Variants in ADAMTS8 observed in about 807,000 individuals in gnomAD.
ADAMTS8 encodes the protein A disintegrin and metalloproteinase with thrombospondin motifs 8.
Under a neutral mutation model 64.4 loss-of-function variants are expected in ADAMTS8, and 50 were observed. The ratio of observed to expected loss-of-function variants is 0.78; its 90% confidence interval spans 0.62 to 0.98. The LOEUF (loss-of-function observed/expected upper bound fraction) is 0.98. Ranked by LOEUF, ADAMTS8 falls within the 50% of genes least tolerant of loss-of-function variation. ADAMTS8 has a pLI of 0.00. For missense variants in ADAMTS8, 1,192 were observed against 1,208.2 expected, an observed-to-expected ratio of 0.99 and a Z score of 0.20; for synonymous variants, 556 against 533.6, an observed-to-expected ratio of 1.04 and a Z score of -0.58.
chr11:130,406,209 G>A, intron 8 of ADAMTS8, 81 bp from the exon 9 acceptor site: 1 of 1,498,716 alleles, frequency 6.7e-7, no homozygotes, highest in South Asian at 1.3e-5. Context: ...ACTGAAGTGG[G>A]CACCCCAGGT....
In ADAMTS8 at chr11:130,414,720, A is replaced by G. The variant is rs1320788014; in HGVS notation, c.1377T>C (p.Asp459=). The G allele has an allele frequency of 6.2e-7, 1 of 1,613,770 alleles. No individual in the cohort carries two copies. The highest frequency in any genetic ancestry group is 8.5e-7 in the Non-Finnish European group (1 of 1,180,042). ...CAGAGGTGTTGGGGCAGTGGCGGAA[A>G]TCCGGCCCAAAGATCTGCCTGCACT... ...DQQCRQIFGP[D]FRHCPNTSAQ... is the part of the protein sequence containing the mutation. The change falls in exon 5 of 9, where the codon GAT becomes GAC. Residue 459 remains aspartate, a synonymous_variant. Transcript: ENST00000257359.
chr11:130,415,547 C>T (rs1862010643), intron 4 of ADAMTS8, among the ~76,000 whole-genome samples: 1 of 151,728 alleles, frequency 6.6e-6, no homozygotes, highest in African/African-American at 2.4e-5. Flanking sequence ...TTGTGATCCA[C>T]CTGCCTCAGC....
chr11:130,419,113 G>A lies in ADAMTS8; in HGVS notation c.900C>T (p.Phe300=), dbSNP rs1255360051. The change falls in exon 2 of 9, where the codon TTC becomes TTT. Residue 300 remains phenylalanine (F), a synonymous_variant. Transcript: ENST00000257359. ...CTGGGTGGCGGTCGCTGGGCTGGTT[G>A]AAACGCCGCTGCCAGTTGCAGAAGT... is the stretch of plus-strand genomic sequence containing the variant. The part of the protein sequence containing the change: ...LRNFCNWQRR[F]NQPSDRHPEH... 1 of 1,614,066 alleles carries A rather than the reference G, an allele frequency of 6.2e-7. No individual in the cohort carries two copies. The highest frequency in any genetic ancestry group is 2.2e-5 in the East Asian group (1 of 44,896).
chr11:130,421,677 T>C (rs544101605), intron 1 of ADAMTS8, among the ~76,000 whole-genome samples: 5 of 152,198 alleles, frequency 3.3e-5, no homozygotes, highest in Non-Finnish European at 5.9e-5. Flanking sequence ...ATGCCTTATA[T>C]ATGCGGTGCG....
rs377366671 is a variant in ADAMTS8, at chr11:130,425,661, C to T, written c.720+1906G>A. The stretch of plus-strand genomic sequence containing the variant: ...TGTCACCCAGGCTGGAGTGCAGTGG[C>T]GCGGTCTCCGCTCACTGCAAGCTCT... On this transcript the variant is annotated intron_variant, in intron 1 of 8. Transcript: ENST00000257359. 1.6e-4 allele frequency among the ~76,000 whole-genome samples: 24 copies of T among 149,764 alleles called. No individual in the cohort carries two copies. In the East Asian group the frequency reaches 4.1e-3, roughly 26 times the overall value.
In ADAMTS8 at chr11:130,408,434, G is replaced by A. The variant is rs775345385; in HGVS notation, c.2099+30C>T. ...AAAGCCCATTATGCTCTTCTACCAA[G>A]CAAGGTACAGAACTTCTGGGGAGAC... is the stretch of plus-strand genomic sequence containing the variant. On this transcript the variant is annotated intron_variant, in intron 8 of 8. Coordinates refer to ENST00000257359, the MANE Select transcript of ADAMTS8 (RefSeq NM_007037.6). 3 of 1,611,372 alleles carry A rather than the reference G, an allele frequency of 1.9e-6. No homozygotes were observed. The Admixed American group carries it at 5.0e-5, about 27-fold the overall frequency.
chr11:130,408,809 G>A lies in ADAMTS8; in HGVS notation c.1882C>T (p.Arg628Ter), dbSNP rs756118000. The part of the protein sequence containing the change: ...SPRDRCKLFC[R>*]ARGRSEFKVF... ...TTGAACTCGCTCCTCCCCCGGGCTC[G>A]GCAGAACAACTTGCAGCGGTCCCGG... is the stretch of plus-strand genomic sequence containing the variant. Residue 628 changes from arginine to a stop codon, truncating the protein, a stop_gained, in exon 7 of 9, where the codon CGA becomes TGA. Coordinates refer to ENST00000257359, the MANE Select transcript of ADAMTS8 (RefSeq NM_007037.6). LOFTEE classifies it high-confidence loss of function. 8.7e-6 allele frequency: 14 copies of A among 1,614,100 alleles called. No homozygotes were observed. The highest frequency in any genetic ancestry group is 3.3e-5 in the South Asian group (3 of 91,050).
chr11:130,427,945 C>A lies in ADAMTS8; in HGVS notation c.342G>T (p.Ala114=). 1 of 1,531,920 alleles carries A rather than the reference C, an allele frequency of 6.5e-7. No homozygotes were observed. Among genetic ancestry groups the A allele is most frequent in the East Asian group, 2.5e-5 (1 of 40,398 alleles). 94.9% of individuals were successfully genotyped at this position (1,531,920 alleles called of 1,614,324 possible). A position where few individuals can be genotyped will look rare whatever the true frequency, so the allele number is the denominator to read the frequency against. ...GTVNGEPESL[A]AVSLCRGLSG... ...TCAGCCCGCGGCACAGGCTGACCGC[C>A]GCCAGCGACTCGGGCTCCCCATTCA... is the stretch of plus-strand genomic sequence containing the variant. Residue 114 remains alanine, a synonymous_variant, in exon 1 of 9, where the codon GCG becomes GCT. Transcript: ENST00000257359.
In ADAMTS8 at chr11:130,415,603, C is replaced by CTTTTTTT. The variant is rs386375276; in HGVS notation, c.1264+553_1264+559dup. 5.6e-4 allele frequency among the ~76,000 whole-genome samples: 59 copies of CTTTTTTT among 104,776 alleles called. 3 individuals are homozygous for CTTTTTTT. Among genetic ancestry groups the CTTTTTTT allele is most frequent in the East Asian group, 2.7e-3 (8 of 2,994 alleles). 68.7% of individuals were successfully genotyped at this position (104,776 alleles called of 152,430 possible). A position where few individuals can be genotyped will look rare whatever the true frequency, so the allele number is the denominator to read the frequency against. ...CGGGCAGAAGCCACTGCACCTGGCC[C>CTTTTTTT]TTTTTTTTTTTTTTTTTTTTAAAGA... On this transcript the variant is annotated intron_variant, in intron 4 of 8. Transcript: ENST00000257359.
chr11:130,420,459 C>A (rs1285273505), intron 1 of ADAMTS8, among the ~76,000 whole-genome samples: 2 of 152,088 alleles, frequency 1.3e-5, no homozygotes, highest in East Asian at 3.9e-4. Context: ...GTTCCTTGAG[C>A]CTGGAGTGTG....
chr11:130,405,609 A>G lies in ADAMTS8; in HGVS notation c.2619T>C (p.Ala873=), dbSNP rs758690876. The change falls in exon 9 of 9, where the codon GCT becomes GCC. Residue 873 remains alanine, a synonymous_variant. Transcript: ENST00000257359. ...AGGGCTTGGCATCCTCGGGTTTCAG[A>G]GCCTTGTTGCAGGTGGCAGAGGCCT... ...SGQASATCNK[A]LKPEDAKPCE... 6.2e-7 allele frequency: 1 copy of G among 1,611,748 alleles called. No homozygotes were observed. The highest frequency in any genetic ancestry group is 1.3e-5 in the African/African-American group (1 of 74,940).
In ADAMTS8 at chr11:130,428,025, C is replaced by A. The variant is rs970079451; in HGVS notation, c.262G>T (p.Gly88Cys). ...CCCCGCTCGCCCCCGGTCGCCCGGCCGGAGCCCCCGAGGCGCTCGATCTTG... is the reference window on the plus strand; with the variant it reads ...CCCCGCTCGCCCCCGGTCGCCCGGCAGGAGCCCCCGAGGCGCTCGATCTTG... Reference protein sequence around the residue: ...EFKIERLGGSGRATGGERGLR... With the variant: ...EFKIERLGGSCRATGGERGLR... The change falls in exon 1 of 9, where the codon GGC becomes TGC. Residue 88 changes from glycine to cysteine, a missense_variant. This residue lies in a region of ADAMTS8 where 741 missense variants were observed against 710.6 expected (regional missense o/e 1.04). Coordinates refer to ENST00000257359, the MANE Select transcript of ADAMTS8 (RefSeq NM_007037.6). 2.6e-6 allele frequency: 4 copies of A among 1,526,568 alleles called. No homozygotes were observed. Among genetic ancestry groups the A allele is most frequent in the Non-Finnish European group, 3.5e-6 (4 of 1,143,456 alleles). The allele number at this position is 1,526,568 out of a possible 1,614,324, so 94.6% of individuals were successfully genotyped here.
chr11:130,412,570 G>T (rs753579319), intron 5 of ADAMTS8, among the ~76,000 whole-genome samples: 1 of 152,134 alleles, frequency 6.6e-6, no homozygotes, highest in Non-Finnish European at 1.5e-5. Context: ...TTGGAATGCT[G>T]TATGCCCAAA....
In ADAMTS8 at chr11:130,406,745, A is replaced by G. The variant is rs74447632; in HGVS notation, c.2100-617T>C. On this transcript the variant is annotated intron_variant, in intron 8 of 8. Coordinates refer to ENST00000257359, the MANE Select transcript of ADAMTS8 (RefSeq NM_007037.6). ...CTGGGAGTGCCCAGGCACCATGAGC[A>G]CTGTGCTTCTGGAATGATAGGAAGC... Among the ~76,000 whole-genome samples, 27 of 152,322 alleles carry G rather than the reference A, an allele frequency of 1.8e-4. No homozygotes were observed. In the East Asian group the frequency reaches 5.2e-3, roughly 29 times the overall value.
intron 4 of ADAMTS8, among the ~76,000 whole-genome samples, chr11:130,415,334 A>C (rs1862007253): frequency 6.6e-6 from 1 of 151,968 alleles, no homozygotes; most frequent in African/African-American, 2.4e-5. Flanking sequence ...GATGAAGTCT[A>C]GCTCTGTTGC....
At chr11:130,425,317 C>G (rs1862149471) in intron 1 of ADAMTS8, among the ~76,000 whole-genome samples, 1 of 152,132 alleles carries the variant, frequency 6.6e-6, no homozygotes, top group Non-Finnish European at 1.5e-5. Flanking sequence ...GCATGTCTGC[C>G]TCTAGATAGC....
chr11:130,415,623 T>TTTTTTC (rs56311542), intron 4 of ADAMTS8, among the ~76,000 whole-genome samples: 1 of 145,684 alleles, frequency 6.9e-6, no homozygotes. Context: ...TTTTTTTTTT[T>TTTTTTC]AAAGAGATAG....
chr11:130,419,918 C>T (rs1308340556), intron 1 of ADAMTS8, among the ~76,000 whole-genome samples: 2 of 152,198 alleles, frequency 1.3e-5, no homozygotes, highest in Non-Finnish European at 2.9e-5. Flanking sequence ...GAAAACTTTG[C>T]TGTGATAATC....
In ADAMTS8 at chr11:130,423,512, T is replaced by G. The variant is rs139906728; in HGVS notation, c.720+4055A>C. 5.7e-3 allele frequency among the ~76,000 whole-genome samples: 861 copies of G among 152,298 alleles called. 7 individuals carry two copies. Among genetic ancestry groups the G allele is most frequent in the African/African-American group, 0.018 (744 of 41,570 alleles). On this transcript the variant is annotated intron_variant, in intron 1 of 8. Coordinates refer to ENST00000257359, the MANE Select transcript of ADAMTS8 (RefSeq NM_007037.6). ...GAAACTGGGATGCTGCTGGACAACC[T>G]AGGCTGCATGCCCACTTTAGTGTCT...
Sources: allele counts gnomAD v4.1 joint callset (sites outside exome capture counted in the v4.1 genomes callset), GRCh38; gene constraint gnomAD v4.1.1; regional missense constraint gnomAD v4.1.1; transcripts MANE v1.5; gene names NCBI Gene and HGNC (gene_info 2026-07-23, HGNC 2026-07-21).